Variants in BMERB1 observed in about 807,000 individuals in gnomAD.
The protein encoded by BMERB1 is bMERB domain containing 1, also known as bMERB domain-containing protein 1.
In BMERB1, 12 loss-of-function variants were observed where a neutral mutation model predicts 23.6. That is an observed-to-expected ratio of 0.51 (90% confidence interval 0.33 to 0.82). BMERB1 has a LOEUF of 0.82. BMERB1 is among the 40% of genes least tolerant of loss of function. BMERB1 has a pLI of 0.03. For missense variants in BMERB1, 247 were observed against 255.4 expected (o/e 0.97, Z 0.22); for synonymous variants, 122 against 96.6 (o/e 1.26, Z -1.54).
rs1480763331 is a variant in BMERB1, at chr16:15,515,419, T to C, written c.221T>C (p.Leu74Pro). 1.9e-6 allele frequency: 3 copies of C among 1,613,800 alleles called. No homozygotes were observed. Among genetic ancestry groups the C allele is most frequent in the Non-Finnish European group, 2.5e-6 (3 of 1,179,940 alleles). Reference sequence around the variant, plus strand: ...GTCTTGGTCCGCCGGGAGTCTGAGCTCAGGTTCATGTGAGTGTTTTGGGGA... The same window carrying C: ...GTCTTGGTCCGCCGGGAGTCTGAGCCCAGGTTCATGTGAGTGTTTTGGGGA... ...REVLVRRESELRFMMDDIQLC... is the reference protein window; with the variant it reads ...REVLVRRESEPRFMMDDIQLC... The change falls in exon 2 of 6, where the codon CTC (leucine) becomes CCC (proline). Residue 74 changes from leucine to proline, a missense_variant. Physicochemically the swap from Leu to Pro is moderately conservative, Grantham distance 98. Coordinates refer to ENST00000300006, the MANE Select transcript of BMERB1 (RefSeq NM_033201.3).
At chr16:15,466,142 C>A (rs1342497439) in intron 1 of BMERB1, among the ~76,000 whole-genome samples, 1 of 152,134 alleles carries the variant, frequency 6.6e-6, no homozygotes, top group Non-Finnish European at 1.5e-5. Context: ...TACTAAACTT[C>A]AGTAAACATT....
intron 1 of BMERB1, among the ~76,000 whole-genome samples, chr16:15,462,355 T>G (rs1012407631): frequency 8.6e-5 from 13 of 151,974 alleles, no homozygotes; most frequent in African/African-American, 3.1e-4. Flanking sequence ...GGTTTCACTA[T>G]GTTGGCCAGG....
chr16:15,581,447 G>T (rs1230737417), intron 4 of BMERB1, 116 bp downstream of exon 4: 42 of 760,436 alleles, frequency 5.5e-5, no homozygotes, highest in South Asian at 2.0e-5. Flanking sequence ...GCATGGCCTT[G>T]ATCCACAGTC....
chr16:15,457,926 G>A (rs1598449224), intron 1 of BMERB1, among the ~76,000 whole-genome samples: 1 of 152,192 alleles, frequency 6.6e-6, no homozygotes, highest in Non-Finnish European at 1.5e-5. Context: ...CAGGGCAGTA[G>A]AAGAGAAAGA....
chr16:15,458,303 G>A (rs153803), intron 1 of BMERB1, among the ~76,000 whole-genome samples: 71,022 of 152,032 alleles, frequency 0.47, 16,906 homozygotes, highest in Middle Eastern at 0.55. Flanking sequence ...GGCAGAAACC[G>A]TGACCTGTTC....
chr16:15,583,009 T>A (rs541542985), intron 4 of BMERB1, 147 bp from the exon 5 acceptor site: 2 of 683,108 alleles, frequency 2.9e-6, no homozygotes. Flanking sequence ...ATACAACATA[T>A]ACATACTGTA....
chr16:15,573,052 C>T (rs995905558), intron 3 of BMERB1, among the ~76,000 whole-genome samples: 2 of 152,212 alleles, frequency 1.3e-5, no homozygotes, highest in African/African-American at 2.4e-5. Flanking sequence ...TACCCAGTTG[C>T]GGGTATGTTT....
intron 1 of BMERB1, among the ~76,000 whole-genome samples, chr16:15,478,486 C>T (rs1236106322): frequency 2.6e-5 from 4 of 152,090 alleles, no homozygotes; most frequent in Non-Finnish European, 5.9e-5. Context: ...AAAGTGCTTT[C>T]CCCACTCCCA....
chr16:15,537,091 C>G (rs2052032424), intron 2 of BMERB1: 1 of 152,140 alleles, frequency 6.6e-6, no homozygotes, highest in South Asian at 2.1e-4. Flanking sequence ...CATCTGTTGT[C>G]TTCATCATCA....
chr16:15,517,643 T>G (rs2150953082), intron 2 of BMERB1, among the ~76,000 whole-genome samples: 1 of 151,148 alleles, frequency 6.6e-6, no homozygotes, highest in African/African-American at 2.4e-5. Flanking sequence ...AATTAAAAAT[T>G]TTAAAAATAT....
Position 15,559,674 on chromosome 16 carries a change from G to T in BMERB1, c.231-8309G>T, listed in dbSNP as rs138927173. 1.6e-3 allele frequency among the ~76,000 whole-genome samples: 249 copies of T among 152,300 alleles called. 2 individuals are homozygous for T. The Middle Eastern group carries it at 0.017, about 10-fold the overall frequency. On this transcript the variant is annotated intron_variant, in intron 2 of 5. Coordinates refer to ENST00000300006, the MANE Select transcript of BMERB1 (RefSeq NM_033201.3). The stretch of plus-strand genomic sequence containing the variant: ...CCCATCCTTCCATATTCCAGAAAAA[G>T]ACTTGATTTTTAGTTACGTGAATGG...
chr16:15,543,164 G>C (rs1015317530), intron 2 of BMERB1, among the ~76,000 whole-genome samples: 2 of 152,058 alleles, frequency 1.3e-5, no homozygotes, highest in African/African-American at 4.8e-5. Flanking sequence ...TCTTCCCCTG[G>C]AGTTCAGCCA....
At chr16:15,474,254 T>C (rs1198190603) in intron 1 of BMERB1, among the ~76,000 whole-genome samples, 1 of 152,194 alleles carries the variant, frequency 6.6e-6, no homozygotes, top group Non-Finnish European at 1.5e-5. Context: ...CTCAGCTTCT[T>C]GAATCCATAG....
intron 1 of BMERB1, among the ~76,000 whole-genome samples, chr16:15,491,935 G>A (rs555347366): frequency 5.3e-4 from 81 of 152,306 alleles, no homozygotes; most frequent in Non-Finnish European, 8.8e-4. Flanking sequence ...TTGGCTTGCT[G>A]TCTGTCTTCA....
intron 1 of BMERB1, among the ~76,000 whole-genome samples, chr16:15,503,556 C>A (rs868008128): frequency 3.3e-5 from 5 of 151,926 alleles, no homozygotes; most frequent in Middle Eastern, 6.8e-3. Flanking sequence ...CCTCGGCCTC[C>A]CAAAGTGCTG....
chr16:15,456,457 C>G (rs148335038), intron 1 of BMERB1, among the ~76,000 whole-genome samples: 1 of 152,008 alleles, frequency 6.6e-6, no homozygotes, highest in Non-Finnish European at 1.5e-5. Context: ...ATGCCTCAGT[C>G]ACAGGAGTAG....
intron 2 of BMERB1, among the ~76,000 whole-genome samples, chr16:15,560,700 G>A (rs2030392058): frequency 6.6e-6 from 1 of 151,880 alleles, no homozygotes; most frequent in Non-Finnish European, 1.5e-5. Context: ...GGCTGAGGAG[G>A]GAGGATGGCT....
intron 1 of BMERB1, among the ~76,000 whole-genome samples, chr16:15,467,478 C>T (rs2051190462): frequency 6.6e-6 from 1 of 152,002 alleles, no homozygotes; most frequent in African/African-American, 2.4e-5. Context: ...TTTGTATGTC[C>T]ATCTGTATAA....
intron 2 of BMERB1, among the ~76,000 whole-genome samples, chr16:15,532,394 G>T (rs1191016823): frequency 2.6e-5 from 4 of 151,764 alleles, no homozygotes; most frequent in African/African-American, 9.7e-5. Flanking sequence ...ACTGCTCCCA[G>T]CTAATTTGTA....
Sources: gnomAD v4.1 joint callset for allele counts (sites outside exome capture counted in the v4.1 genomes callset) on GRCh38, gnomAD v4.1.1 for gene constraint, MANE v1.5 for transcripts, NCBI Gene and HGNC (gene_info 2026-07-23, HGNC 2026-07-21) for gene names.